The following KLHL8 variants were observed in gnomAD, a reference collection of about 807,000 sequenced individuals.
KLHL8 encodes kelch-like protein 8.
Under a neutral mutation model 63.5 loss-of-function variants are expected in KLHL8, and 38 were observed. The ratio of observed to expected loss-of-function variants is 0.60; its 90% CI spans 0.46 to 0.78. The LOEUF (loss-of-function observed/expected upper bound fraction) is 0.78, where lower values mean the gene tolerates loss of function less well. KLHL8 is among the 30% of genes least tolerant of loss of function. The pLI is 0.00. For synonymous variants in KLHL8, 224 were observed against 254.3 expected (o/e 0.88, Z 1.13); for missense variants, 566 against 752.4 (o/e 0.75, Z 2.90).
At chr4:87,217,511 G>A (rs554342914) in intron 1 of KLHL8, among the ~76,000 whole-genome samples, 64 of 151,576 alleles carry the variant, frequency 4.2e-4, no homozygotes, top group Non-Finnish European at 8.4e-4. Flanking sequence ...ATTTTTGTTC[G>A]TTTGTTTGTT....
At chr4:87,216,099 T>C (rs1366772429) in intron 1 of KLHL8, among the ~76,000 whole-genome samples, 1 of 152,222 alleles carries the variant, frequency 6.6e-6, no homozygotes, top group East Asian at 1.9e-4. Flanking sequence ...ACATGCTGGA[T>C]TGTATTAAAG....
At chr4:87,221,916 A>C (rs1041943477), upstream of KLHL8, among the ~76,000 whole-genome samples, 19 of 152,178 alleles carry the variant, frequency 1.2e-4, no homozygotes, top group African/African-American at 4.6e-4. Context: ...GAAAAGTCAT[A>C]AAATGTGTCT....
rs779857104 is a variant in KLHL8, at chr4:87,160,210, T to C, written c.*3309A>G. Reference sequence around the variant, plus strand: ...GTGATATATATGACCACTTATTACATTGATTTTCTGGAGTATTATAACACA... The same window carrying C: ...GTGATATATATGACCACTTATTACACTGATTTTCTGGAGTATTATAACACA... On this transcript the variant is annotated 3_prime_UTR_variant, in exon 10 of 10. Coordinates refer to ENST00000273963, the MANE Select transcript of KLHL8 (RefSeq NM_020803.5). 8 of 152,198 alleles carry C rather than the reference T, an allele frequency of 5.3e-5. No individual in the cohort carries two copies. Among genetic ancestry groups the C allele is most frequent in the Non-Finnish European group, 7.4e-5 (5 of 68,008 alleles). The allele number at this position is 152,198 out of a possible 1,614,324, so 9.4% of individuals were successfully genotyped here.
intron 2 of KLHL8, among the ~76,000 whole-genome samples, chr4:87,193,428 C>A (rs1578381942): frequency 6.6e-6 from 1 of 152,144 alleles, no homozygotes; most frequent in African/African-American, 2.4e-5. Flanking sequence ...ACAATGCCTT[C>A]CTCTTGAATA....
intron 1 of KLHL8, among the ~76,000 whole-genome samples, chr4:87,219,022 C>CCA (rs1253501908): frequency 3.3e-5 from 5 of 152,238 alleles, no homozygotes; most frequent in African/African-American, 1.2e-4. Flanking sequence ...CAGGCGTGAG[C>CCA]CACTGCACCC....
chr4:87,224,577 C>T (rs1732940392), upstream of KLHL8, among the ~76,000 whole-genome samples: 5 of 152,192 alleles, frequency 3.3e-5, no homozygotes, highest in Admixed American at 2.6e-4. Flanking sequence ...GCCAGCAAGA[C>T]CACTATCTTC....
At chr4:87,212,461 T>C (rs1732439053) in intron 1 of KLHL8, among the ~76,000 whole-genome samples, 1 of 151,990 alleles carries the variant, frequency 6.6e-6, no homozygotes, top group Non-Finnish European at 1.5e-5. Flanking sequence ...GCACTTGTAG[T>C]CCCAGCTACT....
At chr4:87,172,205 TG>T (rs755155868) in intron 6 of KLHL8, among the ~76,000 whole-genome samples, 1 of 151,940 alleles carries the variant, frequency 6.6e-6, no homozygotes, top group Non-Finnish European at 1.5e-5. Context: ...TGTTTGAAGG[TG>T]GGGGGGAACA....
intron 8 of KLHL8, among the ~76,000 whole-genome samples, chr4:87,164,606 A>C (rs1029146082): frequency 6.6e-6 from 1 of 152,208 alleles, no homozygotes; most frequent in Non-Finnish European, 1.5e-5. Context: ...AATTCTCACC[A>C]ATTTTTGTCA....
chr4:87,193,693 A>G (rs970751568), intron 2 of KLHL8, among the ~76,000 whole-genome samples: 2 of 152,192 alleles, frequency 1.3e-5, no homozygotes, highest in African/African-American at 4.8e-5. Context: ...ACAACTGGCA[A>G]TGAGGTAAGT....
intron 1 of KLHL8, chr4:87,207,580 GA>G (rs1403394919): frequency 3.4e-6 from 4 of 1,190,360 alleles, no homozygotes; most frequent in Admixed American, 3.4e-5. Flanking sequence ...TGTCATCCAT[GA>G]CAACTTTGGT....
intron 1 of KLHL8, among the ~76,000 whole-genome samples, chr4:87,197,305 T>C (rs1271281469): frequency 6.6e-6 from 1 of 152,178 alleles, no homozygotes; most frequent in Non-Finnish European, 1.5e-5. Context: ...GAAGCTTTCC[T>C]GCAGGCCTTG....
At chr4:87,213,216 G>C (rs1044420335) in intron 1 of KLHL8, among the ~76,000 whole-genome samples, 1 of 152,136 alleles carries the variant, frequency 6.6e-6, no homozygotes, top group Non-Finnish European at 1.5e-5. Context: ...TTAAAAGAAA[G>C]ATCTTGAATT....
At chr4:87,226,419 C>T (rs74530776) in intron 1 of KLHL8, among the ~76,000 whole-genome samples, 16,320 of 149,612 alleles carry the variant, frequency 0.11, 1,614 homozygotes, top group African/African-American at 0.25. Flanking sequence ...AAAAATTAGC[C>T]GGGCATGGCG....
intron 2 of KLHL8, among the ~76,000 whole-genome samples, chr4:87,193,763 T>G (rs1731585028): frequency 6.6e-6 from 1 of 152,204 alleles, no homozygotes; most frequent in South Asian, 2.1e-4. Flanking sequence ...GACATTATGA[T>G]AGCTACAACA....
chr4:87,237,095 C>T (rs549914291), intron 1 of KLHL8, among the ~76,000 whole-genome samples: 134 of 152,284 alleles, frequency 8.8e-4, no homozygotes, highest in South Asian at 2.5e-3. Flanking sequence ...CCAGAACTGG[C>T]CAGCAGCCAT....
chr4:87,184,721 T>C (rs1349280618), intron 3 of KLHL8, among the ~76,000 whole-genome samples: 2 of 152,064 alleles, frequency 1.3e-5, no homozygotes, highest in Non-Finnish European at 2.9e-5. Flanking sequence ...GTAACTCCTA[T>C]TGACAGTAAA....
At position 87,178,527 on chromosome 4, in the gene KLHL8, C is replaced by G. The variant is rs1204340011; in HGVS notation, c.1046G>C (p.Gly349Ala). 6.2e-7 allele frequency: 1 copy of G among 1,611,708 alleles called. No homozygotes were observed. The highest frequency in any genetic ancestry group is 8.5e-7 in the Non-Finnish European group (1 of 1,179,478). Residue 349 changes from glycine to alanine, a missense_variant, in exon 5 of 10, where the codon GGA (glycine) becomes GCA (alanine). By Grantham distance (60) the Gly-to-Ala change is moderately conservative. Coordinates refer to ENST00000273963, the MANE Select transcript of KLHL8 (RefSeq NM_020803.5). ...YSINKNSWFF[G>A]PEMNSRRRHV... The stretch of plus-strand genomic sequence containing the variant: ...TCGCCTTCGACTATTCATTTCTGGT[C>G]CAAAGAACCAACTGTTTTTGTTGAT...
At chr4:87,214,251 C>T (rs553658312) in intron 1 of KLHL8, among the ~76,000 whole-genome samples, 76 of 150,228 alleles carry the variant, frequency 5.1e-4, no homozygotes, top group Non-Finnish European at 9.3e-4. Flanking sequence ...TAATTGGGTG[C>T]TTCTATCTAC....
Sources: allele counts gnomAD v4.1 joint callset (sites outside exome capture counted in the v4.1 genomes callset), GRCh38; gene constraint gnomAD v4.1.1; transcripts MANE v1.5; gene names NCBI Gene and HGNC (gene_info 2026-07-23, HGNC 2026-07-21).